Variants in ADGB observed in about 807,000 individuals in gnomAD.
The protein encoded by ADGB is calpain-7-like protein.
In ADGB, 172 loss-of-function variants were observed where a neutral mutation model predicts 210.5. The ratio of observed to expected loss-of-function variants is 0.82; its 90% confidence interval spans 0.72 to 0.93. The LOEUF (loss-of-function observed/expected upper bound fraction) is 0.93, where lower values mean the gene tolerates loss of function less well. Ranked by LOEUF, ADGB falls within the 40% of genes least tolerant of loss-of-function variation. The pLI is 0.00. For missense variants in ADGB, 2,025 were observed against 1,964.8 expected (o/e 1.03, Z -0.58); for synonymous variants, 658 against 662.7 (o/e 0.99, Z 0.11).
rs547340716 is a variant in ADGB at position 146,635,238 on chromosome 6, C to T, written c.75-137C>T. 6.6e-6 allele frequency: 5 copies of T among 758,596 alleles called. No homozygotes were observed. The African/African-American group carries it at 7.3e-5, about 11-fold the overall frequency. 47.0% of individuals were successfully genotyped at this position (758,596 alleles called of 1,614,324 possible). A position where few individuals can be genotyped will look rare whatever the true frequency, so the allele number is the denominator to read the frequency against. ...AACTTAACATGTAGAAGTTGCCTAG[C>T]CACAAGTATGATTGTATTAAAAATG... On this transcript the variant is annotated intron_variant, in intron 1 of 35. Coordinates refer to ENST00000397944, the MANE Select transcript of ADGB (RefSeq NM_024694.4).
At chr6:146,715,919 T>G (rs981857871) in intron 14 of ADGB, among the ~76,000 whole-genome samples, 5 of 151,154 alleles carry the variant, frequency 3.3e-5, no homozygotes, top group African/African-American at 1.2e-4. Flanking sequence ...AATATAAAAA[T>G]TAGCAGGGCA....
chr6:146,731,648 A>C (rs963242772), intron 20 of ADGB, among the ~76,000 whole-genome samples: 1 of 152,112 alleles, frequency 6.6e-6, no homozygotes, highest in Non-Finnish European at 1.5e-5. Context: ...TGTAGCAGAA[A>C]CCCTAATACC....
At chr6:146,747,949 AT>A (rs1777265698) in intron 26 of ADGB, among the ~76,000 whole-genome samples, 1 of 151,278 alleles carries the variant, frequency 6.6e-6, no homozygotes, top group Admixed American at 6.6e-5. Flanking sequence ...AGCCTAGTTA[AT>A]TTTTGTATTT....
intron 3 of ADGB, 69 bp downstream of exon 3, chr6:146,644,934 G>A: frequency 1.0e-6 from 1 of 994,404 alleles, no homozygotes; most frequent in Non-Finnish European, 1.4e-6. Context: ...ATAAAAATTT[G>A]CATTTTTTGT....
At chr6:146,802,032 A>C in intron 35 of ADGB, 21 bp downstream of exon 35, 3 of 1,447,880 alleles carry the variant, frequency 2.1e-6, no homozygotes, top group Non-Finnish European at 2.7e-6. Context: ...AAGCACATAC[A>C]TAGATTATAG....
chr6:146,783,272 A>G lies in ADGB; in HGVS notation c.4035+1080A>G, dbSNP rs547957033. Reference sequence around the variant, plus strand: ...GCTGAGTAGGATGTCAGTACCATTAAGAAAATAGACAATAAAGGAAAATTA... The same window carrying G: ...GCTGAGTAGGATGTCAGTACCATTAGGAAAATAGACAATAAAGGAAAATTA... On this transcript the variant is annotated intron_variant, in intron 30 of 35. Coordinates refer to ENST00000397944, the MANE Select transcript of ADGB (RefSeq NM_024694.4). 2.0e-5 allele frequency among the ~76,000 whole-genome samples: 3 copies of G among 152,272 alleles called. No homozygotes were observed. In the South Asian group the frequency reaches 6.2e-4, roughly 32 times the overall value.
chr6:146,789,150 C>G (rs1226911351), intron 33 of ADGB, among the ~76,000 whole-genome samples: 1 of 152,164 alleles, frequency 6.6e-6, no homozygotes, highest in Admixed American at 6.5e-5. Flanking sequence ...TCCTGGTTTC[C>G]ATGAATTCCT....
chr6:146,682,682 T>A (rs1776173674), intron 9 of ADGB, among the ~76,000 whole-genome samples: 1 of 152,084 alleles, frequency 6.6e-6, no homozygotes, highest in South Asian at 2.1e-4. Flanking sequence ...CTAAAAGCAG[T>A]TTTATTGATA....
chr6:146,654,040 G>A, intron 3 of ADGB, 95 bp from the exon 4 acceptor site: 1 of 762,206 alleles, frequency 1.3e-6, no homozygotes, highest in South Asian at 2.3e-5. Flanking sequence ...TCAAAAAATT[G>A]CAACTTCAGG....
chr6:146,617,292 T>G lies in ADGB; in HGVS notation c.75-18083T>G, dbSNP rs1331813207. ...TGCTACCTATTTTTGTATGTTGATT[T>G]GTGTGCTGCAACTTTCCTGAATTCA... On this transcript the variant is annotated intron_variant, in intron 1 of 35. Coordinates refer to ENST00000397944, the MANE Select transcript of ADGB (RefSeq NM_024694.4). Among the ~76,000 whole-genome samples, 3 of 152,298 alleles carry G rather than the reference T, an allele frequency of 2.0e-5. No individual in the cohort carries two copies. The East Asian group carries it at 5.8e-4, about 29-fold the overall frequency.
chr6:146,781,699 A>G (rs1469988030), intron 29 of ADGB, among the ~76,000 whole-genome samples: 1 of 152,192 alleles, frequency 6.6e-6, no homozygotes, highest in East Asian at 1.9e-4. Context: ...TACAAGTACT[A>G]GCCAACACAA....
intron 35 of ADGB, chr6:146,807,863 A>C (rs900311213): frequency 2.5e-5 from 5 of 203,640 alleles, no homozygotes; most frequent in African/African-American, 9.3e-5. Context: ...TTTAATTAGA[A>C]GTGAAACAAG....
At chr6:146,618,265 GT>G (rs528875947) in intron 1 of ADGB, among the ~76,000 whole-genome samples, 17 of 146,648 alleles carry the variant, frequency 1.2e-4, no homozygotes, top group Middle Eastern at 3.6e-3. Flanking sequence ...GAGTCTTACG[GT>G]TTTTTTTTTC....
intron 1 of ADGB, among the ~76,000 whole-genome samples, chr6:146,627,660 G>C (rs1562258826): frequency 6.6e-6 from 1 of 152,058 alleles, no homozygotes; most frequent in African/African-American, 2.4e-5. Flanking sequence ...CCCCGGCTTT[G>C]GGTAGCTTCC....
chr6:146,708,520 T>C (rs1466339601), intron 13 of ADGB, among the ~76,000 whole-genome samples: 3 of 152,084 alleles, frequency 2.0e-5, no homozygotes, highest in Non-Finnish European at 4.4e-5. Context: ...TTTTATTCAG[T>C]ACCTTGACTA....
chr6:146,667,870 C>T (rs528539408), intron 7 of ADGB, among the ~76,000 whole-genome samples: 4 of 152,130 alleles, frequency 2.6e-5, no homozygotes, highest in African/African-American at 9.6e-5. Context: ...ACCCCATCAA[C>T]TAGGTGTACA....
At chr6:146,707,437 A>G (rs1318884588) in intron 13 of ADGB, among the ~76,000 whole-genome samples, 1 of 152,100 alleles carries the variant, frequency 6.6e-6, no homozygotes, top group Non-Finnish European at 1.5e-5. Context: ...GGAGTACTGA[A>G]GACTCCAAAT....
rs1351949481 is a variant in ADGB at position 146,741,233 on chromosome 6, T to C, written c.3139T>C (p.Phe1047Leu). 2 of 1,550,978 alleles carry C rather than the reference T, an allele frequency of 1.3e-6. No homozygotes were observed. Among genetic ancestry groups the C allele is most frequent in the Admixed American group, 2.0e-5 (1 of 50,948 alleles). The stretch of plus-strand genomic sequence containing the variant: ...CACAATGGAGCAAGTGCCAAAGGTG[T>C]TCCAAAAAGTGGTGCCTTATCTTTA... ...NDTMEQVPKV[F>L]QKVVPYLYTK... Residue 1047 changes from phenylalanine to leucine, a missense_variant, in exon 25 of 36, where the codon TTC (phenylalanine) becomes CTC (leucine). By Grantham distance (22) the Phe-to-Leu change is conservative (BLOSUM62 0). Transcript: ENST00000397944.
At chr6:146,717,175 G>C in intron 15 of ADGB, 106 bp downstream of exon 15, 1 of 947,732 alleles carries the variant, frequency 1.1e-6, no homozygotes, top group South Asian at 1.9e-5. Flanking sequence ...ATTTAATATA[G>C]TGGTTATATA....
Sources: gnomAD v4.1 joint callset for allele counts (sites outside exome capture counted in the v4.1 genomes callset) on GRCh38, gnomAD v4.1.1 for gene constraint, MANE v1.5 for transcripts, NCBI Gene and HGNC (gene_info 2026-07-23, HGNC 2026-07-21) for gene names.